The following MTUS2 variants were observed in gnomAD, a reference collection of about 807,000 sequenced individuals.
MTUS2 encodes microtubule-associated tumor suppressor candidate 2.
Under a neutral mutation model 114.1 loss-of-function variants are expected in MTUS2, and 40 were observed. The observed-to-expected ratio is 0.35, with a 90% confidence interval of 0.27 to 0.46. The LOEUF is 0.46. Among genes scored for constraint, MTUS2 ranks in the 20% least tolerant of loss-of-function variants. The pLI is 1.00. For synonymous variants in MTUS2, 688 were observed against 672.0 expected (o/e 1.02, Z -0.37); for missense variants, 1,679 against 1,705.4 (o/e 0.98, Z 0.27).
intron 2 of MTUS2, among the ~76,000 whole-genome samples, chr13:28,885,420 G>A (rs532107650): frequency 6.6e-6 from 1 of 152,266 alleles, no homozygotes; most frequent in African/African-American, 2.4e-5. Context: ...ACTTTTATAC[G>A]TGCCTTATTT....
At chr13:29,313,880 C>G (rs1271844842) in intron 6 of MTUS2, among the ~76,000 whole-genome samples, 1 of 152,042 alleles carries the variant, frequency 6.6e-6, no homozygotes, top group Non-Finnish European at 1.5e-5. Context: ...CAGTAGCAAC[C>G]CTGGAAGTTA....
At chr13:29,130,593 A>G (rs1891718862) in intron 5 of MTUS2, among the ~76,000 whole-genome samples, 1 of 152,088 alleles carries the variant, frequency 6.6e-6, no homozygotes, top group South Asian at 2.1e-4. Flanking sequence ...CTTATTCATT[A>G]TGTGTATTCA....
chr13:29,366,080 G>A (rs1870688237), intron 8 of MTUS2, among the ~76,000 whole-genome samples: 1 of 152,198 alleles, frequency 6.6e-6, no homozygotes. Flanking sequence ...CCCAGGCTCT[G>A]TGATTTAATT....
intron 2 of MTUS2, among the ~76,000 whole-genome samples, chr13:28,950,799 G>C (rs918410045): frequency 1.3e-5 from 2 of 152,146 alleles, no homozygotes; most frequent in African/African-American, 4.8e-5. Context: ...GAAAAAGTTT[G>C]AAATATTGTG....
chr13:29,303,127 A>T (rs1327103854), intron 6 of MTUS2, among the ~76,000 whole-genome samples: 2 of 152,210 alleles, frequency 1.3e-5, no homozygotes. Context: ...AACAAAAAAG[A>T]CCCCACAAAA....
At chr13:28,938,663 G>C (rs371609230) in intron 2 of MTUS2, among the ~76,000 whole-genome samples, 1 of 152,034 alleles carries the variant, frequency 6.6e-6, no homozygotes, top group Non-Finnish European at 1.5e-5. Flanking sequence ...GGATCTTTTA[G>C]TTTTAGAAAT....
intron 5 of MTUS2, among the ~76,000 whole-genome samples, chr13:29,151,295 G>C (rs1342623748): frequency 6.6e-6 from 1 of 151,862 alleles, no homozygotes; most frequent in Non-Finnish European, 1.5e-5. Flanking sequence ...TTAATTTTTT[G>C]TGACTATTGT....
At chr13:28,929,092 C>G (rs1881479517) in intron 2 of MTUS2, among the ~76,000 whole-genome samples, 1 of 150,708 alleles carries the variant, frequency 6.6e-6, no homozygotes, top group Non-Finnish European at 1.5e-5. Context: ...TGTTCTCCCT[C>G]ATACGTCAAA....
At chr13:29,318,402 T>TTTC (rs398117152) in intron 6 of MTUS2, among the ~76,000 whole-genome samples, 7 of 151,182 alleles carry the variant, frequency 4.6e-5, no homozygotes, top group East Asian at 1.9e-4. Context: ...TTTTTTTTTT[T>TTTC]GAGATGACAG....
chr13:29,039,066 C>T (rs772216230), intron 4 of MTUS2, among the ~76,000 whole-genome samples: 23 of 152,332 alleles, frequency 1.5e-4, no homozygotes, highest in African/African-American at 3.6e-4. Flanking sequence ...GCTGGATAGA[C>T]CCAGCCAGGA....
chr13:29,442,587 G>A (rs989841548), intron 9 of MTUS2, among the ~76,000 whole-genome samples: 1 of 151,592 alleles, frequency 6.6e-6, no homozygotes, highest in African/African-American at 2.4e-5. Flanking sequence ...GATGAAGTGT[G>A]AGCTAGTGAT....
intron 6 of MTUS2, among the ~76,000 whole-genome samples, chr13:29,309,733 G>T (rs570266084): frequency 6.6e-6 from 1 of 152,058 alleles, no homozygotes; most frequent in East Asian, 1.9e-4. Context: ...ATACCATTTT[G>T]CATGCTTAAT....
chr13:29,114,007 CCT>C (rs1359531343), intron 5 of MTUS2, among the ~76,000 whole-genome samples: 5 of 152,112 alleles, frequency 3.3e-5, no homozygotes, highest in Non-Finnish European at 5.9e-5. Context: ...GACACCTCCC[CCT>C]GTCTCTCTTA....
At chr13:28,876,305 G>A (rs1474710197) in intron 2 of MTUS2, among the ~76,000 whole-genome samples, 1 of 152,196 alleles carries the variant, frequency 6.6e-6, no homozygotes, top group Non-Finnish European at 1.5e-5. Context: ...ACCTTCAGAG[G>A]TTGGTTTCAG....
intron 2 of MTUS2, among the ~76,000 whole-genome samples, chr13:28,951,982 G>T (rs1882832441): frequency 6.6e-6 from 1 of 152,090 alleles, no homozygotes. Context: ...GAGTGCCTGT[G>T]TGCAGCATGC....
chr13:29,143,558 CA>C (rs1172402729), intron 5 of MTUS2, among the ~76,000 whole-genome samples: 2 of 152,068 alleles, frequency 1.3e-5, no homozygotes, highest in Admixed American at 6.5e-5. Flanking sequence ...TTGCTAATGA[CA>C]GAATGAGAAA....
At chr13:29,471,810 A>G (rs1328576199) in intron 9 of MTUS2, among the ~76,000 whole-genome samples, 1 of 149,008 alleles carries the variant, frequency 6.7e-6, no homozygotes, top group Non-Finnish European at 1.5e-5. Flanking sequence ...CTCTTTGCAA[A>G]TGGATTAGGC....
rs77357571 is a variant in MTUS2, at chr13:29,261,078, C to T, written c.2645-20626C>T. On this transcript the variant is annotated intron_variant, in intron 5 of 15. Coordinates refer to ENST00000612955, the MANE Select transcript of MTUS2 (RefSeq NM_001033602.4). Reference sequence around the variant, plus strand: ...CAAGAAAAAAAGGAAGATTATCATCCGCCTGGACCCTGAAAGAAGAGAGGG... The same window carrying T: ...CAAGAAAAAAAGGAAGATTATCATCTGCCTGGACCCTGAAAGAAGAGAGGG... Among the ~76,000 whole-genome samples the T allele has an allele frequency of 6.8e-3, 1,037 of 152,236 alleles. 5 individuals carry two copies. The highest frequency in any genetic ancestry group is 0.011 in the Non-Finnish European group (720 of 68,022).
chr13:29,103,488 G>A (rs1890513622), intron 5 of MTUS2, among the ~76,000 whole-genome samples: 1 of 152,226 alleles, frequency 6.6e-6, no homozygotes, highest in South Asian at 2.1e-4. Context: ...TAAAAATGCT[G>A]TTCCTGTATA....
Sources: gnomAD v4.1 joint callset for allele counts (sites outside exome capture counted in the v4.1 genomes callset) on GRCh38, gnomAD v4.1.1 for gene constraint, MANE v1.5 for transcripts, NCBI Gene and HGNC (gene_info 2026-07-23, HGNC 2026-07-21) for gene names.